The following ATRNL1 variants were observed in gnomAD, a reference collection of about 807,000 sequenced individuals.
ATRNL1 encodes attractin like 1, also known as attractin-like protein 1.
Under a neutral mutation model 182.7 loss-of-function variants are expected in ATRNL1, and 95 were observed. The ratio of observed to expected loss-of-function variants is 0.52; its 90% CI spans 0.44 to 0.62. The LOEUF is 0.62. Ranked by LOEUF, ATRNL1 falls within the 20% of genes least tolerant of loss-of-function variation. The pLI is 0.00. For synonymous variants in ATRNL1, 576 were observed against 568.3 expected (o/e 1.01, Z -0.19); for missense variants, 1,471 against 1,679.5 (o/e 0.88, Z 2.17).
At position 115,374,050 on chromosome 10, in the gene ATRNL1, T is replaced by C. The variant is rs192978663; in HGVS notation, c.3176-20609T>C. On this transcript the variant is annotated intron_variant, in intron 19 of 28. Coordinates refer to ENST00000355044, the MANE Select transcript of ATRNL1 (RefSeq NM_207303.4). ...AATATTTATTTAATCTTCTAAATTG[T>C]TTGATTCTGTTTATATTTTCTATTT... 1.1e-3 allele frequency among the ~76,000 whole-genome samples: 171 copies of C among 151,976 alleles called. 1 individual carries two copies. The highest frequency in any genetic ancestry group is 1.6e-4 in the Non-Finnish European group (11 of 67,798).
chr10:115,610,860 A>T (rs1857118882), intron 26 of ATRNL1, among the ~76,000 whole-genome samples: 1 of 152,196 alleles, frequency 6.6e-6, no homozygotes, highest in African/African-American at 2.4e-5. Flanking sequence ...TTATATACTT[A>T]AGGAACCTTC....
intron 9 of ATRNL1, among the ~76,000 whole-genome samples, chr10:115,234,913 A>G (rs1272640696): frequency 6.6e-6 from 1 of 152,118 alleles, no homozygotes. Flanking sequence ...GAATGTTCAC[A>G]TATGTGATTG....
At chr10:115,924,108 T>G (rs782476471) in intron 28 of ATRNL1, among the ~76,000 whole-genome samples, 1 of 152,232 alleles carries the variant, frequency 6.6e-6, no homozygotes, top group Non-Finnish European at 1.5e-5. Flanking sequence ...TGTTTTTTTC[T>G]TGTAAATTTG....
chr10:115,653,540 A>G (rs1159939898), intron 26 of ATRNL1, among the ~76,000 whole-genome samples: 1 of 152,038 alleles, frequency 6.6e-6, no homozygotes, highest in Non-Finnish European at 1.5e-5. Context: ...ACTGGCCCCT[A>G]TTTTCAAACA....
At chr10:115,594,968 T>A (rs1856144506) in intron 26 of ATRNL1, among the ~76,000 whole-genome samples, 1 of 152,202 alleles carries the variant, frequency 6.6e-6, no homozygotes, top group African/African-American at 2.4e-5. Context: ...TCTATTGAGG[T>A]GTAATTTGCA....
At chr10:115,747,200 T>C (rs1416714654) in intron 27 of ATRNL1, among the ~76,000 whole-genome samples, 1 of 152,138 alleles carries the variant, frequency 6.6e-6, no homozygotes, top group Non-Finnish European at 1.5e-5. Context: ...TCACCCTCTA[T>C]TGATAACAGC....
At chr10:115,669,815 T>C (rs1945639634) in intron 26 of ATRNL1, among the ~76,000 whole-genome samples, 1 of 152,140 alleles carries the variant, frequency 6.6e-6, no homozygotes, top group Non-Finnish European at 1.5e-5. Flanking sequence ...CCATATATGA[T>C]GATGTTTGTG....
At chr10:115,184,350 TTATATA>T (rs138994333) in intron 8 of ATRNL1, among the ~76,000 whole-genome samples, 1 of 149,714 alleles carries the variant, frequency 6.7e-6, no homozygotes, top group Non-Finnish European at 1.5e-5. Flanking sequence ...CAGTGCAAGA[TTATATA>T]TATATATACA....
At chr10:115,464,505 T>C (rs1410006871) in intron 22 of ATRNL1, among the ~76,000 whole-genome samples, 1 of 151,980 alleles carries the variant, frequency 6.6e-6, no homozygotes, top group East Asian at 1.9e-4. Context: ...AACTACAGTG[T>C]CACTTTTTCA....
chr10:115,678,872 G>A lies in ATRNL1; in HGVS notation c.3796-48376G>A, dbSNP rs11197405. On this transcript the variant is annotated intron_variant, in intron 26 of 28. Coordinates refer to ENST00000355044, the MANE Select transcript of ATRNL1 (RefSeq NM_207303.4). ...GTCTGCACATTATGTTCTGACTTGG[G>A]TTTCTTGGTCCTGAGACCTAGGAAC... Among the ~76,000 whole-genome samples the A allele has an allele frequency of 1.5e-3, 232 of 152,176 alleles. 1 individual carries two copies. The highest frequency in any genetic ancestry group is 0.012 in the South Asian group (56 of 4,818).
intron 27 of ATRNL1, among the ~76,000 whole-genome samples, chr10:115,766,966 A>T (rs1948871327): frequency 6.6e-6 from 1 of 152,194 alleles, no homozygotes; most frequent in Non-Finnish European, 1.5e-5. Context: ...TGTGGATAAT[A>T]ACATTTGCTC....
chr10:115,239,793 G>A (rs918207546), intron 9 of ATRNL1, among the ~76,000 whole-genome samples: 1 of 152,128 alleles, frequency 6.6e-6, no homozygotes, highest in East Asian at 1.9e-4. Flanking sequence ...TTAGTGTATA[G>A]CTACCACCCT....
At chr10:115,648,842 G>A (rs1555033538) in intron 26 of ATRNL1, among the ~76,000 whole-genome samples, 1 of 152,116 alleles carries the variant, frequency 6.6e-6, no homozygotes, top group Non-Finnish European at 1.5e-5. Context: ...CACTGAAGTG[G>A]CAAAATAACC....
At chr10:115,384,434 A>C (rs1326258444) in intron 19 of ATRNL1, among the ~76,000 whole-genome samples, 1 of 152,018 alleles carries the variant, frequency 6.6e-6, no homozygotes, top group Non-Finnish European at 1.5e-5. Context: ...TTTGGTCACA[A>C]ATATAAGGGT....
chr10:115,909,296 A>G (rs1203357122), intron 28 of ATRNL1: 1 of 152,144 alleles, frequency 6.6e-6, no homozygotes, highest in African/African-American at 2.4e-5. Flanking sequence ...TGTATGCGTC[A>G]GTTTCTTTAT....
intron 26 of ATRNL1, among the ~76,000 whole-genome samples, chr10:115,633,546 A>G (rs1424205021): frequency 6.6e-6 from 1 of 152,192 alleles, no homozygotes; most frequent in African/African-American, 2.4e-5. Flanking sequence ...GTTCTGATTC[A>G]AAAATAAGTC....
intron 18 of ATRNL1, among the ~76,000 whole-genome samples, chr10:115,329,142 AT>A (rs2134058085): frequency 6.6e-6 from 1 of 152,032 alleles, no homozygotes; most frequent in South Asian, 2.1e-4. Context: ...TGTCAATTTT[AT>A]AATTTACCCA....
At chr10:115,458,634 A>G (rs1438361514) in intron 21 of ATRNL1, among the ~76,000 whole-genome samples, 3 of 152,140 alleles carry the variant, frequency 2.0e-5, no homozygotes, top group Non-Finnish European at 2.9e-5. Context: ...GCTGGAGTCC[A>G]TATAGACAGA....
At chr10:115,206,091 A>G (rs1248940483) in intron 8 of ATRNL1, among the ~76,000 whole-genome samples, 38 of 152,196 alleles carry the variant, frequency 2.5e-4, no homozygotes, top group African/African-American at 9.1e-4. Flanking sequence ...TCTGTTGCAT[A>G]TAGAATCCCG....
Sources: allele counts gnomAD v4.1 joint callset (sites outside exome capture counted in the v4.1 genomes callset), GRCh38; gene constraint gnomAD v4.1.1; transcripts MANE v1.5; gene names NCBI Gene and HGNC (gene_info 2026-07-23, HGNC 2026-07-21).